The following NUAK1 variants were observed in gnomAD, a reference collection of about 807,000 sequenced individuals.
The protein encoded by NUAK1 is NUAK family kinase 1, also known as NUAK family SNF1-like kinase 1.
In NUAK1, 26 loss-of-function variants were observed where a neutral mutation model predicts 56.9. The observed-to-expected ratio is 0.46, with a 90% CI of 0.33 to 0.63. The LOEUF is 0.63. Among genes scored for constraint, NUAK1 ranks in the 30% least tolerant of loss-of-function variants. The pLI, the probability that NUAK1 is intolerant of heterozygous loss-of-function variation, is 0.02. For synonymous variants in NUAK1, 337 were observed against 336.0 expected, an observed-to-expected ratio of 1.00 and a Z score of -0.03; for missense variants, 727 against 876.1, an observed-to-expected ratio of 0.83 and a Z score of 2.15.
At chr12:106,107,167 C>A (rs2032811684) in intron 1 of NUAK1, among the ~76,000 whole-genome samples, 1 of 152,144 alleles carries the variant, frequency 6.6e-6, no homozygotes, top group Non-Finnish European at 1.5e-5. Flanking sequence ...AAGGTAGTGA[C>A]AGCTCATCTC....
intron 2 of NUAK1, among the ~76,000 whole-genome samples, chr12:106,099,708 T>A (rs1013551228): frequency 6.6e-6 from 1 of 152,130 alleles, no homozygotes. Flanking sequence ...TTCCCAGATA[T>A]AAGGGTTAAG....
chr12:106,116,672 T>C (rs955980681), intron 1 of NUAK1, among the ~76,000 whole-genome samples: 2 of 152,194 alleles, frequency 1.3e-5, no homozygotes, highest in Non-Finnish European at 2.9e-5. Context: ...GACAAAGCAA[T>C]CAGCACAGTG....
chr12:106,120,971 C>CG (rs1475394035), intron 1 of NUAK1, among the ~76,000 whole-genome samples: 1 of 152,160 alleles, frequency 6.6e-6, no homozygotes, highest in East Asian at 1.9e-4. Context: ...CAGTGACCTA[C>CG]GGGTCTGTTT....
chr12:106,138,697 C>T lies in NUAK1; in HGVS notation c.-44G>A, dbSNP rs552787653. The T allele has an allele frequency of 2.7e-6, 4 of 1,465,034 alleles. No individual in the cohort carries two copies. The African/African-American group carries it at 5.6e-5, about 21-fold the overall frequency. 90.8% of individuals were successfully genotyped at this position (1,465,034 alleles called of 1,614,324 possible). On this transcript the variant is annotated 5_prime_UTR_variant, in exon 1 of 7. Coordinates refer to ENST00000261402, the MANE Select transcript of NUAK1 (RefSeq NM_014840.3). The surrounding 1 kb of genome is among the most constrained non-coding windows in gnomAD (Gnocchi z 5.0). ...CCGGGCTACAGAGGGCAAGACCGGG[C>T]ACAGCGCTGGGATGTCGGGGTCCCC...
Position 106,066,781 on chromosome 12 carries a change from G to C in NUAK1, c.*21C>G, listed in dbSNP as rs375113809. On this transcript the variant is annotated 3_prime_UTR_variant, in exon 7 of 7. Transcript: ENST00000261402. ...CCCTTCCTCCCTCGTACCCCCGCCC[G>C]CCCCTGGGCGCCCTGGAATGCTAGT... is the stretch of plus-strand genomic sequence containing the variant. The C allele has an allele frequency of 5.1e-6, 8 of 1,582,082 alleles. No homozygotes were observed. The highest frequency in any genetic ancestry group is 6.9e-6 in the Non-Finnish European group (8 of 1,160,122).
chr12:106,114,964 A>G (rs981804591), intron 1 of NUAK1, among the ~76,000 whole-genome samples: 4 of 152,192 alleles, frequency 2.6e-5, no homozygotes, highest in Admixed American at 1.3e-4. Flanking sequence ...GCTATGCCAG[A>G]GACGCTGTTT....
At chr12:106,133,185 T>G (rs1254371696) in intron 1 of NUAK1, among the ~76,000 whole-genome samples, 1 of 152,156 alleles carries the variant, frequency 6.6e-6, no homozygotes, top group Non-Finnish European at 1.5e-5. Context: ...CCAAGCCACC[T>G]GGAATATTCA....
intron 2 of NUAK1, among the ~76,000 whole-genome samples, chr12:106,102,349 G>C (rs2032758244): frequency 6.6e-6 from 1 of 152,208 alleles, no homozygotes; most frequent in Non-Finnish European, 1.5e-5. Flanking sequence ...CTGTCCGGCA[G>C]AACTTTCTAT....
chr12:106,086,916 C>T (rs2032577575), intron 2 of NUAK1, 31 bp from the exon 3 acceptor site: 2 of 1,596,606 alleles, frequency 1.3e-6, no homozygotes, highest in East Asian at 4.5e-5. Context: ...TACACAAACA[C>T]CCCGTTTAGC....
At chr12:106,119,958 A>C (rs1411688565) in intron 1 of NUAK1, among the ~76,000 whole-genome samples, 1 of 149,420 alleles carries the variant, frequency 6.7e-6, no homozygotes, top group Non-Finnish European at 1.5e-5. Flanking sequence ...TTGGCTCTTA[A>C]ATGGGTGAGC....
At chr12:106,091,829 A>C (rs923204841) in intron 2 of NUAK1, among the ~76,000 whole-genome samples, 1 of 152,198 alleles carries the variant, frequency 6.6e-6, no homozygotes, top group East Asian at 1.9e-4. Context: ...CAGTTACTAC[A>C]TGTCATGGAT....
At chr12:106,070,542 C>A (rs1271640042) in intron 6 of NUAK1, among the ~76,000 whole-genome samples, 1 of 152,156 alleles carries the variant, frequency 6.6e-6, no homozygotes, top group Non-Finnish European at 1.5e-5. Context: ...TCCAGATCCA[C>A]AAAGCAAGCA....
At chr12:106,090,322 A>C (rs73397143) in intron 2 of NUAK1, among the ~76,000 whole-genome samples, 8,407 of 152,112 alleles carry the variant, frequency 0.055, 380 homozygotes, top group African/African-American at 0.12. Context: ...ATTGAGAGCA[A>C]AGAAGATTTC....
At chr12:106,121,289 T>G (rs1034939689) in intron 1 of NUAK1, among the ~76,000 whole-genome samples, 1 of 152,202 alleles carries the variant, frequency 6.6e-6, no homozygotes, top group Non-Finnish European at 1.5e-5. Context: ...AGATAATGTA[T>G]GTAAACTGCA....
intron 4 of NUAK1, among the ~76,000 whole-genome samples, chr12:106,075,303 A>ACACACACACACC (rs2032449819): frequency 6.7e-6 from 1 of 150,354 alleles, no homozygotes; most frequent in Non-Finnish European, 1.5e-5. Context: ...ACACACACAC[A>ACACACACACACC]CACACACACA....
At chr12:106,105,673 T>C (rs1222361233) in intron 2 of NUAK1, 1 of 152,156 alleles carries the variant, frequency 6.6e-6, no homozygotes, top group South Asian at 2.1e-4. Flanking sequence ...ATTTATCAAA[T>C]TGGGAGTTAG....
Position 106,064,787 on chromosome 12 carries a change from A to ACCCCCCCCCCCCCCCCCCCCCCCC in NUAK1, c.*2014_*2015insGGGGGGGGGGGGGGGGGGGGGGGG, listed in dbSNP as rs201301314. The stretch of plus-strand genomic sequence containing the variant: ...TGCAGGTTGTCCTCCATGCACCCAC[A>ACCCCCCCCCCCCCCCCCCCCCCCC]CCCCCACCCCCCCCCACACACACAA... On this transcript the variant is annotated 3_prime_UTR_variant, in exon 7 of 7. Transcript: ENST00000261402. The ACCCCCCCCCCCCCCCCCCCCCCCC allele has an allele frequency of 1.9e-5, 2 of 107,956 alleles. No homozygotes were observed. The highest frequency in any genetic ancestry group is 3.0e-5 in the African/African-American group (1 of 33,366). 6.7% of individuals were successfully genotyped at this position (107,956 alleles called of 1,614,324 possible). A position where few individuals can be genotyped will look rare whatever the true frequency, so the allele number is the denominator to read the frequency against.
intron 1 of NUAK1, among the ~76,000 whole-genome samples, chr12:106,127,908 C>A (rs1326312866): frequency 6.6e-6 from 1 of 152,104 alleles, no homozygotes; most frequent in Non-Finnish European, 1.5e-5. Flanking sequence ...GGACCAAGAC[C>A]CCATCCTGCC....
At chr12:106,136,306 A>T (rs1428298093) in intron 1 of NUAK1, among the ~76,000 whole-genome samples, 1 of 152,220 alleles carries the variant, frequency 6.6e-6, no homozygotes, top group African/African-American at 2.4e-5. Flanking sequence ...GCTGAACAAT[A>T]ACACAGCGGG....
Sources: gnomAD v4.1 joint callset for allele counts (sites outside exome capture counted in the v4.1 genomes callset) on GRCh38, gnomAD v4.1.1 for gene constraint, Gnocchi (gnomAD v3.1) non-coding constraint, MANE v1.5 for transcripts, NCBI Gene and HGNC (gene_info 2026-07-23, HGNC 2026-07-21) for gene names.